Variants in RIMS2 observed in about 807,000 individuals in gnomAD.
RIMS2 encodes the protein regulating synaptic membrane exocytosis protein 2.
In RIMS2, 59 loss-of-function variants were observed where a neutral mutation model predicts 174.4. The observed-to-expected ratio is 0.34, with a 90% CI of 0.27 to 0.42. The LOEUF is 0.42. RIMS2 is among the 10% of genes least tolerant of loss of function. The pLI is 1.00. For missense variants in RIMS2, 1,620 were observed against 1,666.3 expected, an observed-to-expected ratio of 0.97 and a Z score of 0.48; for synonymous variants, 606 against 572.5, an observed-to-expected ratio of 1.06 and a Z score of -0.84.
intron 19 of RIMS2, among the ~76,000 whole-genome samples, chr8:104,073,393 C>A (rs2097228894): frequency 6.6e-6 from 1 of 152,160 alleles, no homozygotes; most frequent in Non-Finnish European, 1.5e-5. Flanking sequence ...AAATAAGGCT[C>A]ATTCAACAAA....
chr8:104,041,349 A>C (rs763876645), intron 19 of RIMS2: 25 of 696,138 alleles, frequency 3.6e-5, no homozygotes, highest in African/African-American at 3.3e-4. Context: ...TACAAGGAGA[A>C]GATATGCAGG....
intron 2 of RIMS2, among the ~76,000 whole-genome samples, chr8:103,730,490 C>T (rs1190365711): frequency 6.6e-6 from 1 of 152,032 alleles, no homozygotes; most frequent in Non-Finnish European, 1.5e-5. Context: ...AACCTAATTT[C>T]CCCACTTTTT....
At chr8:103,570,997 T>C (rs189630457) in intron 1 of RIMS2, among the ~76,000 whole-genome samples, 2 of 152,338 alleles carry the variant, frequency 1.3e-5, no homozygotes, top group Admixed American at 1.3e-4. Context: ...ACTGTTCTTG[T>C]ACTGTCCTAA....
intron 19 of RIMS2, among the ~76,000 whole-genome samples, chr8:104,222,725 G>A (rs1032577995): frequency 1.3e-5 from 2 of 152,190 alleles, no homozygotes; most frequent in African/African-American, 4.8e-5. Context: ...TTAACAGGAT[G>A]TTATACCTTT....
At chr8:104,096,627 T>C (rs1394580359) in intron 19 of RIMS2, among the ~76,000 whole-genome samples, 1 of 152,084 alleles carries the variant, frequency 6.6e-6, no homozygotes, top group East Asian at 1.9e-4. Flanking sequence ...CCCAGCACTT[T>C]GGGAGTCTGA....
intron 1 of RIMS2, among the ~76,000 whole-genome samples, chr8:103,539,326 AG>A (rs529364465): frequency 9.3e-4 from 142 of 152,358 alleles, no homozygotes; most frequent in African/African-American, 2.9e-3. Flanking sequence ...TACACCACCA[AG>A]ATGGCAGAGT....
rs537355586 is a variant in RIMS2 at position 103,752,494 on chromosome 8, A to G, written c.388-13733A>G. Reference sequence around the variant, plus strand: ...TTTTTCCAATTCTGTGAAGAAAGTCATTGGTAGCTTGATGGGGATGGCATT... The same window carrying G: ...TTTTTCCAATTCTGTGAAGAAAGTCGTTGGTAGCTTGATGGGGATGGCATT... On this transcript the variant is annotated intron_variant, in intron 2 of 23. Transcript: ENST00000504942. 5.1e-4 allele frequency among the ~76,000 whole-genome samples: 77 copies of G among 152,186 alleles called. 1 individual carries two copies. In the Middle Eastern group the frequency reaches 0.017, roughly 34 times the overall value.
intron 3 of RIMS2, among the ~76,000 whole-genome samples, chr8:103,793,732 A>T (rs1476628641): frequency 6.6e-6 from 1 of 152,226 alleles, no homozygotes; most frequent in Admixed American, 6.5e-5. Flanking sequence ...ACTTCAGCAA[A>T]GTCTCAGGGT....
intron 3 of RIMS2, among the ~76,000 whole-genome samples, chr8:103,798,909 A>G (rs1165189493): frequency 6.6e-6 from 1 of 151,068 alleles, no homozygotes; most frequent in Non-Finnish European, 1.5e-5. Flanking sequence ...CCTTAAAGGT[A>G]GAAAACTTTT....
chr8:103,577,455 G>A (rs1372275271), intron 1 of RIMS2, among the ~76,000 whole-genome samples: 6 of 152,074 alleles, frequency 3.9e-5, no homozygotes, highest in South Asian at 4.1e-4. Flanking sequence ...ATCACACGCC[G>A]GGGCCTGTCA....
intron 19 of RIMS2, among the ~76,000 whole-genome samples, chr8:104,225,974 CT>C (rs1461933480): frequency 1.8e-4 from 28 of 151,956 alleles, no homozygotes; most frequent in African/African-American, 6.3e-4. Context: ...TTTCAACATA[CT>C]CTGCAGGATT....
intron 3 of RIMS2, among the ~76,000 whole-genome samples, chr8:103,811,653 C>T (rs1592939015): frequency 1.3e-5 from 2 of 152,092 alleles, no homozygotes; most frequent in Admixed American, 6.5e-5. Flanking sequence ...ACCATGTTGG[C>T]CAGGCTGGTC....
intron 2 of RIMS2, among the ~76,000 whole-genome samples, chr8:103,765,488 A>G (rs1024556935): frequency 6.6e-6 from 1 of 152,214 alleles, no homozygotes; most frequent in African/African-American, 2.4e-5. Flanking sequence ...GTGTACAATT[A>G]AAAATGGTTA....
intron 1 of RIMS2, among the ~76,000 whole-genome samples, chr8:103,630,199 G>C (rs769602747): frequency 6.6e-6 from 1 of 151,526 alleles, no homozygotes; most frequent in Non-Finnish European, 1.5e-5. Flanking sequence ...GCCTAACATA[G>C]GAGTAATAAT....
intron 1 of RIMS2, among the ~76,000 whole-genome samples, chr8:103,584,537 A>T (rs79617449): frequency 0.011 from 1,667 of 152,294 alleles, 45 homozygotes; most frequent in African/African-American, 0.038. Flanking sequence ...ACATTTTAAG[A>T]TATAGTCAGT....
At chr8:104,148,824 A>T in intron 19 of RIMS2, 1 of 1,598,376 alleles carries the variant, frequency 6.3e-7, no homozygotes, top group Non-Finnish European at 8.5e-7. Context: ...GAAAAGTCGC[A>T]GTGCTTCTCA....
In RIMS2 at chr8:103,936,730, G is replaced by A. The variant is rs1390257901; in HGVS notation, c.2547+8G>A. The A allele has an allele frequency of 6.3e-7, 1 of 1,592,172 alleles. No individual in the cohort carries two copies. ...AGTGAATTCTTAGGCGAGGTATCTG[G>A]AGTTGTTTTAAAGTTTATGCTATTC... On this transcript the variant is annotated splice_region_variant and intron_variant, in intron 13 of 23. Transcript: ENST00000504942.
chr8:103,985,110 C>A (rs1465058938), intron 16 of RIMS2, among the ~76,000 whole-genome samples: 1 of 152,046 alleles, frequency 6.6e-6, no homozygotes, highest in Non-Finnish European at 1.5e-5. Flanking sequence ...ATAAATAGAA[C>A]CTAGTATTTG....
intron 1 of RIMS2, among the ~76,000 whole-genome samples, chr8:103,617,049 C>T (rs2095521166): frequency 6.6e-6 from 1 of 151,874 alleles, no homozygotes; most frequent in Non-Finnish European, 1.5e-5. Context: ...ACCAAAAAGC[C>T]CAGATAGCGA....
Sources: gnomAD v4.1 joint callset for allele counts (sites outside exome capture counted in the v4.1 genomes callset) on GRCh38, gnomAD v4.1.1 for gene constraint, MANE v1.5 for transcripts, NCBI Gene and HGNC (gene_info 2026-07-23, HGNC 2026-07-21) for gene names.